The following SLC25A26 variants were observed in gnomAD, a reference collection of about 807,000 sequenced individuals.
SLC25A26 encodes mitochondrial S-adenosylmethionine carrier protein.
A neutral mutation model predicts 37.8 loss-of-function variants in SLC25A26; 36 were observed. That is an observed-to-expected ratio of 0.95 (90% confidence interval 0.73 to 1.26). SLC25A26 has a LOEUF of 1.26. Among genes scored for constraint, SLC25A26 ranks in the 50% most tolerant of loss-of-function variants. The probability of loss-of-function intolerance (pLI) is 0.00; values close to 1 mark genes in which losing one functional copy is unlikely to be tolerated. For missense variants in SLC25A26, 390 were observed against 331.1 expected (o/e 1.18, Z -1.38); for synonymous variants, 129 against 122.5 (o/e 1.05, Z -0.35).
At chr3:66,315,784 A>G (rs570843864) in intron 5 of SLC25A26, among the ~76,000 whole-genome samples, 27 of 152,276 alleles carry the variant, frequency 1.8e-4, no homozygotes, top group Admixed American at 3.9e-4. Flanking sequence ...TGTTTTATGA[A>G]TCTAGGTGCT....
chr3:66,223,752 G>C (rs562660252), intron 1 of SLC25A26, among the ~76,000 whole-genome samples: 2 of 152,324 alleles, frequency 1.3e-5, no homozygotes, highest in African/African-American at 4.8e-5. Context: ...CCTTCCTAAA[G>C]CTTCATGAAG....
chr3:66,329,713 C>T (rs1167114955), intron 5 of SLC25A26, among the ~76,000 whole-genome samples: 2 of 151,894 alleles, frequency 1.3e-5, no homozygotes, highest in Non-Finnish European at 2.9e-5. Context: ...AATTTTTTTC[C>T]TCCTACTTTA....
intron 1 of SLC25A26, among the ~76,000 whole-genome samples, chr3:66,231,176 A>G (rs1019048578): frequency 6.6e-6 from 1 of 152,210 alleles, no homozygotes; most frequent in Non-Finnish European, 1.5e-5. Context: ...CTCCATCTCA[A>G]AAAATAAATT....
chr3:66,240,532 C>T (rs2072524025), intron 2 of SLC25A26, among the ~76,000 whole-genome samples: 1 of 152,148 alleles, frequency 6.6e-6, no homozygotes, highest in African/African-American at 2.4e-5. Context: ...AAGCCTCAGC[C>T]TCCCAAAGTG....
At chr3:66,234,253 C>T (rs893178590) in intron 1 of SLC25A26, among the ~76,000 whole-genome samples, 14 of 152,124 alleles carry the variant, frequency 9.2e-5, no homozygotes, top group Admixed American at 7.2e-4. Flanking sequence ...CCACCATGCC[C>T]GGCTCTACTT....
chr3:66,322,925 G>T (rs1379201530), intron 5 of SLC25A26, among the ~76,000 whole-genome samples: 1 of 149,148 alleles, frequency 6.7e-6, no homozygotes, highest in Non-Finnish European at 1.5e-5. Context: ...CCCCCAATCT[G>T]TTTTTTACCT....
Position 66,375,178 on chromosome 3 carries a change from C to G in SLC25A26, c.708-2512C>G, listed in dbSNP as rs1210326036. Among the ~76,000 whole-genome samples the G allele has an allele frequency of 2.0e-5, 3 of 152,164 alleles. 1 individual carries two copies. The highest frequency in any genetic ancestry group is 4.4e-5 in the Non-Finnish European group (3 of 68,034). On this transcript the variant is annotated intron_variant, in intron 9 of 9. Transcript: ENST00000354883. ...CAGAGCAAGGCATTAACTCTCTTCCCTGAAGGCTGAGAGAGGTGAGGAAGC... is the reference window on the plus strand; with the variant it reads ...CAGAGCAAGGCATTAACTCTCTTCCGTGAAGGCTGAGAGAGGTGAGGAAGC...
intron 5 of SLC25A26, among the ~76,000 whole-genome samples, chr3:66,309,703 G>A (rs978390068): frequency 6.6e-6 from 1 of 152,094 alleles, no homozygotes; most frequent in Non-Finnish European, 1.5e-5. Flanking sequence ...GGTATGTTGT[G>A]TCTTTGTTCT....
intron 6 of SLC25A26, among the ~76,000 whole-genome samples, chr3:66,359,692 T>G (rs1290204691): frequency 6.6e-6 from 1 of 152,230 alleles, no homozygotes. Flanking sequence ...GCGATTCCAT[T>G]GTCTTGTTTC....
At position 66,345,362 on chromosome 3, in the gene SLC25A26, T is replaced by G. The variant is rs139718393; in HGVS notation, c.454-1002T>G. ...TTTGACTCTTGCAAGTAGCTCTGTC[T>G]GCTTCCTCTTTCTTCCTTGCCTCTT... On this transcript the variant is annotated intron_variant, in intron 5 of 9. Coordinates refer to ENST00000354883, the MANE Select transcript of SLC25A26 (RefSeq NM_001379210.1). Among the ~76,000 whole-genome samples, 231 of 152,252 alleles carry G rather than the reference T, an allele frequency of 1.5e-3. 1 individual carries two copies. Among genetic ancestry groups the G allele is most frequent in the African/African-American group, 5.1e-3 (211 of 41,546 alleles).
intron 1 of SLC25A26, among the ~76,000 whole-genome samples, chr3:66,201,360 A>T (rs919853298): frequency 1.4e-3 from 220 of 152,084 alleles, no homozygotes; most frequent in African/African-American, 4.9e-3. Flanking sequence ...TTTTTTAAAG[A>T]CAGGGTCTGT....
intron 5 of SLC25A26, among the ~76,000 whole-genome samples, chr3:66,310,070 C>G (rs199532769): frequency 6.6e-6 from 1 of 152,108 alleles, no homozygotes. Flanking sequence ...TTTTCTGTCT[C>G]GCTGATCTAG....
intron 5 of SLC25A26, among the ~76,000 whole-genome samples, chr3:66,299,251 G>A (rs2107548392): frequency 6.6e-6 from 1 of 152,240 alleles, no homozygotes; most frequent in South Asian, 2.1e-4. Context: ...GAGTGCAGTG[G>A]CACAGTCTCG....
intron 6 of SLC25A26, among the ~76,000 whole-genome samples, chr3:66,352,184 C>T (rs140522510): frequency 1.3e-5 from 2 of 152,126 alleles, no homozygotes; most frequent in Non-Finnish European, 2.9e-5. Flanking sequence ...ACAACCTGGG[C>T]GACAGAGTGA....
chr3:66,155,300 G>C (rs1000314245), intron 1 of SLC25A26, among the ~76,000 whole-genome samples: 2 of 152,144 alleles, frequency 1.3e-5, no homozygotes, highest in Non-Finnish European at 2.9e-5. Flanking sequence ...ACTTGAGCCC[G>C]GGAGTTCGAA....
intron 5 of SLC25A26, among the ~76,000 whole-genome samples, chr3:66,329,449 T>A (rs1251404425): frequency 6.6e-6 from 1 of 152,220 alleles, no homozygotes; most frequent in Non-Finnish European, 1.5e-5. Flanking sequence ...AGTGTGTGCC[T>A]GCTTAATAAT....
chr3:66,329,782 C>G (rs1014206146), intron 5 of SLC25A26, among the ~76,000 whole-genome samples: 1 of 152,102 alleles, frequency 6.6e-6, no homozygotes, highest in Non-Finnish European at 1.5e-5. Context: ...ACTGTTACCT[C>G]GAACTCCTGG....
intron 5 of SLC25A26, among the ~76,000 whole-genome samples, chr3:66,267,697 A>G (rs2073807131): frequency 6.6e-6 from 1 of 152,206 alleles, no homozygotes; most frequent in Admixed American, 6.5e-5. Context: ...TCCCCACCCT[A>G]GTTTTGCTGT....
At chr3:66,264,896 A>G (rs2073682941) in intron 5 of SLC25A26, among the ~76,000 whole-genome samples, 1 of 152,116 alleles carries the variant, frequency 6.6e-6, no homozygotes, top group Admixed American at 6.5e-5. Context: ...AAGCCACTTC[A>G]CCTCTCTTTG....
Sources: gnomAD v4.1 joint callset for allele counts (sites outside exome capture counted in the v4.1 genomes callset) on GRCh38, gnomAD v4.1.1 for gene constraint, MANE v1.5 for transcripts, NCBI Gene and HGNC (gene_info 2026-07-23, HGNC 2026-07-21) for gene names.